The following PCDHGB3 variants were observed in gnomAD, a reference collection of about 807,000 sequenced individuals.
PCDHGB3 encodes protocadherin gamma-B3.
PCDHGB3 carries 40 observed loss-of-function variants against 59.2 expected under a neutral mutation model. The ratio of observed to expected loss-of-function variants is 0.68; its 90% CI spans 0.52 to 0.88. PCDHGB3 has a LOEUF of 0.88. PCDHGB3 is among the 40% of genes least tolerant of loss of function. The pLI is 0.00. For synonymous variants in PCDHGB3, 581 were observed against 503.6 expected (o/e 1.15, Z -2.06); for missense variants, 1,309 against 1,187.9 (o/e 1.10, Z -1.50).
rs373882091 is a variant in PCDHGB3 at position 141,432,369 on chromosome 5, A to T, written c.2415+59560A>T. 1.2e-6 allele frequency: 2 copies of T among 1,614,104 alleles called. No homozygotes were observed. Among genetic ancestry groups the T allele is most frequent in the African/African-American group, 2.7e-5 (2 of 74,938 alleles). On this transcript the variant is annotated intron_variant, in intron 1 of 3. Transcript: ENST00000576222. The surrounding 1 kb of genome is among the most constrained non-coding windows in gnomAD (Gnocchi z 6.0). Reference sequence around the variant, plus strand: ...CAAGTGAAAGTGATGGCGCGGGACAACGGGCACCCGCCCCTCAGCAGCAAC... The same window carrying T: ...CAAGTGAAAGTGATGGCGCGGGACATCGGGCACCCGCCCCTCAGCAGCAAC...
At chr5:141,479,866 A>G (rs1020197891) in intron 1 of PCDHGB3, among the ~76,000 whole-genome samples, 2 of 152,204 alleles carry the variant, frequency 1.3e-5, no homozygotes, top group African/African-American at 2.4e-5. Context: ...TTTGCCCTGG[A>G]GAGAACCCTA....
intron 1 of PCDHGB3, chr5:141,410,687 T>C: frequency 6.6e-7 from 1 of 1,518,632 alleles, no homozygotes; most frequent in Non-Finnish European, 8.8e-7. Flanking sequence ...TTAGGCATAC[T>C]ACTTTATTTT....
At chr5:141,422,640 C>T in intron 1 of PCDHGB3, 1 of 1,612,590 alleles carries the variant, frequency 6.2e-7, no homozygotes, top group South Asian at 1.1e-5. Flanking sequence ...GGGGTGCCTC[C>T]ATCTTCTCAG....
At chr5:141,484,061 G>A (rs570687480) in intron 1 of PCDHGB3, among the ~76,000 whole-genome samples, 8 of 152,124 alleles carry the variant, frequency 5.3e-5, no homozygotes, top group Non-Finnish European at 1.0e-4. Context: ...CTGGGGCTAA[G>A]TGAAAAGCTT....
At chr5:141,378,741 A>C (rs1588862467) in intron 1 of PCDHGB3, 2 of 152,230 alleles carry the variant, frequency 1.3e-5, no homozygotes, top group African/African-American at 2.4e-5. Context: ...GAAATATTTC[A>C]AGAAAAAAGG....
chr5:141,394,316 G>C (rs779061595), intron 1 of PCDHGB3: 1 of 1,613,976 alleles, frequency 6.2e-7, no homozygotes, highest in African/African-American at 1.3e-5. Context: ...GGGCGCCCCT[G>C]TCCTCGTATA....
In PCDHGB3 at chr5:141,503,070, G is replaced by A. The variant is rs868143537; in HGVS notation, c.2475-2323G>A. 1.5e-4 allele frequency among the ~76,000 whole-genome samples: 23 copies of A among 151,614 alleles called. No individual in the cohort carries two copies. The Middle Eastern group carries it at 0.01, about 68-fold the overall frequency. On this transcript the variant is annotated intron_variant, in intron 2 of 3. Coordinates refer to ENST00000576222, the MANE Select transcript of PCDHGB3 (RefSeq NM_018924.5). ...GGGTTTCACCATGTTGGTCAGAATGGTCTCGATCTCCTGACCTCGTGGTCT... is the reference window on the plus strand; with the variant it reads ...GGGTTTCACCATGTTGGTCAGAATGATCTCGATCTCCTGACCTCGTGGTCT...
chr5:141,418,533 C>G, intron 1 of PCDHGB3: 1 of 1,614,032 alleles, frequency 6.2e-7, no homozygotes, highest in Non-Finnish European at 8.5e-7. Flanking sequence ...CGAAGCGGTA[C>G]TGCTCAGATA....
chr5:141,371,188 T>C lies in PCDHGB3; in HGVS notation c.794T>C (p.Met265Thr), dbSNP rs1206989931. ...GCTGGCTCCTCCGTATTAAAAGTGA[T>C]GGCCATTGACATGGATGAGGGCATC... ...LPAGSSVLKV[M>T]AIDMDEGINA... Residue 265 changes from methionine to threonine, a missense_variant, in exon 1 of 4, where the codon ATG (methionine) becomes ACG (threonine). Met to Thr is a moderately conservative substitution (Grantham distance 81, BLOSUM62 -1). Transcript: ENST00000576222. 1 of 1,614,030 alleles carries C rather than the reference T, an allele frequency of 6.2e-7. No homozygotes were observed.
chr5:141,421,348 G>C lies in PCDHGB3; in HGVS notation c.2415+48539G>C, dbSNP rs202220769. On this transcript the variant is annotated intron_variant, in intron 1 of 3. Coordinates refer to ENST00000576222, the MANE Select transcript of PCDHGB3 (RefSeq NM_018924.5). ...CCGATATTCGGTGCCAGAAGAGACC[G>C]AAAAGGGCTCCTTCGTGGGCAATAT... 9.1e-5 allele frequency: 147 copies of C among 1,613,862 alleles called. No individual in the cohort carries two copies. Among genetic ancestry groups the C allele is most frequent in the Non-Finnish European group, 1.1e-4 (125 of 1,179,904 alleles).
At chr5:141,462,503 A>G (rs1338834436) in intron 1 of PCDHGB3, among the ~76,000 whole-genome samples, 1 of 152,060 alleles carries the variant, frequency 6.6e-6, no homozygotes, top group East Asian at 1.9e-4. Context: ...ATAATTGTCA[A>G]CTAGATCAAG....
At chr5:141,414,629 G>A (rs2095766704) in intron 1 of PCDHGB3, 2 of 1,613,882 alleles carry the variant, frequency 1.2e-6, no homozygotes, top group Non-Finnish European at 1.7e-6. Context: ...GACCCGGACA[G>A]CAAAGAGAAT....
chr5:141,427,023 G>A, intron 1 of PCDHGB3: 1 of 456,968 alleles, frequency 2.2e-6, no homozygotes, highest in Non-Finnish European at 4.4e-6. Flanking sequence ...TGTATACAAA[G>A]TCAGCCTTAG....
chr5:141,421,071 A>G (rs1197006989), intron 1 of PCDHGB3: 1 of 608,760 alleles, frequency 1.6e-6, no homozygotes, highest in East Asian at 2.9e-5. Flanking sequence ...GCGGAATGAG[A>G]TGGATACTCA....
chr5:141,374,574 T>C, intron 1 of PCDHGB3: 1 of 1,613,746 alleles, frequency 6.2e-7, no homozygotes, highest in Non-Finnish European at 8.5e-7. Flanking sequence ...GATGTGGGAA[T>C]GAACTCCCTT....
Position 141,477,289 on chromosome 5 carries a change from T to G in PCDHGB3, c.2416-17518T>G, listed in dbSNP as rs759477848. On this transcript the variant is annotated intron_variant, in intron 1 of 3. Coordinates refer to ENST00000576222, the MANE Select transcript of PCDHGB3 (RefSeq NM_018924.5). The surrounding 1 kb of genome is among the most constrained non-coding windows in gnomAD (Gnocchi z 4.9). ...AGAACGGGCTGGTGACCTGCGAAGT[T>G]CCACCGGGTCTCCCTTTCAGCCTTA... The G allele has an allele frequency of 3.2e-5, 52 of 1,614,046 alleles. No individual in the cohort carries two copies. Among genetic ancestry groups the G allele is most frequent in the Non-Finnish European group, 4.2e-5 (50 of 1,180,040 alleles).
chr5:141,399,559 G>C, intron 1 of PCDHGB3: 1 of 1,614,038 alleles, frequency 6.2e-7, no homozygotes, highest in Non-Finnish European at 8.5e-7. Context: ...CCTGGACTTG[G>C]GGTTGAACGG....
intron 1 of PCDHGB3, chr5:141,383,142 C>A (rs1778858149): frequency 1.2e-6 from 2 of 1,614,006 alleles, no homozygotes; most frequent in Admixed American, 3.3e-5. Flanking sequence ...ACCAGCGCAG[C>A]GGCAGCTTGG....
At chr5:141,452,412 T>G (rs1009940351) in intron 1 of PCDHGB3, among the ~76,000 whole-genome samples, 2 of 152,222 alleles carry the variant, frequency 1.3e-5, no homozygotes, top group Non-Finnish European at 2.9e-5. Context: ...GTGTGAGGTA[T>G]GCTCACTGCT....
Sources: gnomAD v4.1 joint callset for allele counts (sites outside exome capture counted in the v4.1 genomes callset) on GRCh38, gnomAD v4.1.1 for gene constraint, Gnocchi (gnomAD v3.1) non-coding constraint, MANE v1.5 for transcripts, NCBI Gene and HGNC (gene_info 2026-07-23, HGNC 2026-07-21) for gene names.